ASMTL: variants seen among roughly 807,000 people sequenced by gnomAD.
ASMTL encodes probable bifunctional dTTP/UTP pyrophosphatase/methyltransferase protein.
ASMTL carries 57 observed loss-of-function variants against 60.3 expected under a neutral mutation model. The observed-to-expected ratio is 0.95, with a 90% CI of 0.76 to 1.18. ASMTL has a LOEUF of 1.18. Among genes scored for constraint, ASMTL ranks in the 50% most tolerant of loss-of-function variants. ASMTL has a pLI of 0.00. For synonymous variants in ASMTL, 419 were observed against 373.0 expected (o/e 1.12, Z -1.42); for missense variants, 981 against 852.6 (o/e 1.15, Z -1.88).
chrX:1,439,194 CAG>C (rs753628443), intron 2 of ASMTL, 50 bp from the exon 3 acceptor site: 1 of 1,602,026 alleles, frequency 6.2e-7, no homozygotes, highest in South Asian at 1.1e-5. Context: ...GTGGGTCTCA[CAG>C]AGAAGTTTTC....
In ASMTL at chrX:1,420,960, A is replaced by ATTTT. The variant is rs57552675; in HGVS notation, c.1245+694_1245+697dup. The stretch of plus-strand genomic sequence containing the variant: ...CCTAATCATACCTGGCTAATCGTTA[A>ATTTT]TTTTTTTTTTTTTTTTTGAGATGGA... On this transcript the variant is annotated intron_variant, in intron 9 of 12. Transcript: ENST00000381317. Among the ~76,000 whole-genome samples the ATTTT allele has an allele frequency of 3.7e-4, 50 of 135,506 alleles. 1 individual carries two copies. The highest frequency in any genetic ancestry group is 1.3e-3 in the African/African-American group (46 of 35,914). The allele number at this position is 135,506 out of a possible 152,430, so 88.9% of individuals were successfully genotyped here. A position where few individuals can be genotyped will look rare whatever the true frequency, so the allele number is the denominator to read the frequency against.
chrX:1,421,616 TGCAC>T (rs1450996792), intron 9 of ASMTL, 38 bp downstream of exon 9: 4 of 1,609,734 alleles, frequency 2.5e-6, no homozygotes, highest in Non-Finnish European at 3.4e-6. Context: ...TTTAGCAAAA[TGCAC>T]GCTAGACGGA....
At chrX:1,423,196 C>T (rs1157825261) in intron 8 of ASMTL, among the ~76,000 whole-genome samples, 1 of 152,164 alleles carries the variant, frequency 6.6e-6, no homozygotes, top group African/African-American at 2.4e-5. Flanking sequence ...TCGTGATCTG[C>T]CTGCCTTGGC....
intron 6 of ASMTL, among the ~76,000 whole-genome samples, chrX:1,429,556 G>C (rs1478481483): frequency 6.6e-6 from 1 of 151,982 alleles, no homozygotes; most frequent in Non-Finnish European, 1.5e-5. Flanking sequence ...CCAGCACTTC[G>C]GGAGGCTGAG....
intron 3 of ASMTL, among the ~76,000 whole-genome samples, chrX:1,436,269 G>C (rs1372353941): frequency 1.3e-5 from 2 of 152,198 alleles, no homozygotes; most frequent in Non-Finnish European, 2.9e-5. Flanking sequence ...CGCCTCCGGG[G>C]TTCAAGTGAT....
chrX:1,407,137 A>T lies in ASMTL; in HGVS notation c.1646-3648T>A, dbSNP rs371668063. 4.2e-4 allele frequency among the ~76,000 whole-genome samples: 63 copies of T among 150,374 alleles called. 1 individual carries two copies. The highest frequency in any genetic ancestry group is 1.5e-3 in the African/African-American group (60 of 40,802). On this transcript the variant is annotated intron_variant, in intron 12 of 12. Coordinates refer to ENST00000381317, the MANE Select transcript of ASMTL (RefSeq NM_004192.4). ...GATGGATGGATGGATGGGTGAACTG[A>T]TGGTAGATGATGGGTAGGTAGATAG...
chrX:1,412,857 G>C lies in ASMTL; in HGVS notation c.1523-3C>G. 1 of 1,613,838 alleles carries C rather than the reference G, an allele frequency of 6.2e-7. No homozygotes were observed. Among genetic ancestry groups the C allele is most frequent in the Non-Finnish European group, 8.5e-7 (1 of 1,179,800 alleles). On this transcript the variant is annotated splice_polypyrimidine_tract_variant and splice_region_variant and intron_variant, in intron 11 of 12. Transcript: ENST00000381317. The stretch of plus-strand genomic sequence containing the variant: ...GAGGGGGTCCCTGAAAAAGTCACCT[G>C]GTTTAAAGACAAAACGAGATACGTC...
At chrX:1,427,711 C>A in intron 7 of ASMTL, 23 bp downstream of exon 7, 1 of 1,584,832 alleles carries the variant, frequency 6.3e-7, no homozygotes, top group Non-Finnish European at 8.6e-7. Flanking sequence ...TGAAATGTGG[C>A]CTGAGGAGAC....
chrX:1,425,716 T>C, intron 7 of ASMTL, 29 bp from the exon 8 acceptor site: 1 of 1,608,370 alleles, frequency 6.2e-7, no homozygotes, highest in Non-Finnish European at 8.5e-7. Context: ...GAGAGACTCA[T>C]TAAGTCCCTT....
intron 11 of ASMTL, 22 bp from the exon 12 acceptor site, chrX:1,412,876 A>T (rs761496780): frequency 5.0e-6 from 8 of 1,613,716 alleles, no homozygotes; most frequent in Non-Finnish European, 5.9e-6. Context: ...ACAAAACGAG[A>T]TACGTCCGTC....
intron 10 of ASMTL, 59 bp from the exon 11 acceptor site, chrX:1,418,175 T>C: frequency 3.3e-6 from 5 of 1,518,176 alleles, no homozygotes; most frequent in Non-Finnish European, 3.6e-6. Context: ...CTGACGACTC[T>C]CCAAAGCTCA....
intron 5 of ASMTL, 69 bp from the exon 6 acceptor site, chrX:1,432,446 T>C: frequency 2.5e-6 from 3 of 1,193,292 alleles, no homozygotes; most frequent in Non-Finnish European, 3.7e-6. Flanking sequence ...GACAGCTGCG[T>C]GGCTGTGCTG....
chrX:1,417,580 A>G (rs1443404723), intron 11 of ASMTL, among the ~76,000 whole-genome samples: 3 of 148,668 alleles, frequency 2.0e-5, no homozygotes, highest in African/African-American at 7.5e-5. Flanking sequence ...GCACACAGAC[A>G]CCCACCGGCT....
intron 8 of ASMTL, among the ~76,000 whole-genome samples, chrX:1,423,120 T>G (rs1242413185): frequency 6.6e-6 from 1 of 152,000 alleles, no homozygotes; most frequent in Admixed American, 6.6e-5. Flanking sequence ...GCCCGGCTAA[T>G]TTTTTGTATT....
intron 9 of ASMTL, among the ~76,000 whole-genome samples, chrX:1,420,837 G>A (rs5989860): frequency 0.67 from 101,198 of 152,058 alleles, 34,587 homozygotes; most frequent in South Asian, 0.86. Flanking sequence ...TCTGTCACCC[G>A]GGCTGGAGTG....
Position 1,435,060 on chromosome X carries a change from A to G in ASMTL, c.362T>C (p.Val121Ala). Reference sequence around the variant, plus strand: ...GTGGACGATCGCGACACCTGTGAACACGCTGTGTTCTCTCCCACTCAACCT... The same window carrying G: ...GTGGACGATCGCGACACCTGTGAACGCGCTGTGTTCTCTCCCACTCAACCT... ...LSRLSGREHS[V>A]FTGVAIVHCS... is the part of the protein sequence containing the mutation. The change falls in exon 5 of 13, where the codon GTG becomes GCG. Residue 121 changes from valine to alanine, a missense_variant. Physicochemically the swap from Val to Ala is moderately conservative, Grantham distance 64 (BLOSUM62 0). Coordinates refer to ENST00000381317, the MANE Select transcript of ASMTL (RefSeq NM_004192.4). 6.2e-7 allele frequency: 1 copy of G among 1,613,910 alleles called. No homozygotes were observed. The highest frequency in any genetic ancestry group is 8.5e-7 in the Non-Finnish European group (1 of 1,179,824).
At chrX:1,403,547 G>A in intron 12 of ASMTL, 58 bp from the exon 13 acceptor site, 1 of 1,460,138 alleles carries the variant, frequency 6.8e-7, no homozygotes, top group Non-Finnish European at 9.5e-7. Flanking sequence ...TCCTTCAGCA[G>A]GACACAGGGG....
chrX:1,412,855 C>T lies in ASMTL; in HGVS notation c.1523-1G>A, dbSNP rs771530607. 3 of 1,613,844 alleles carry T rather than the reference C, an allele frequency of 1.9e-6. No homozygotes were observed. The highest frequency in any genetic ancestry group is 2.5e-6 in the Non-Finnish European group (3 of 1,179,828). ...GGGAGGGGGTCCCTGAAAAAGTCAC[C>T]TGGTTTAAAGACAAAACGAGATACG... is the stretch of plus-strand genomic sequence containing the variant. On this transcript the variant is annotated splice_acceptor_variant, in intron 11 of 12. Transcript: ENST00000381317. LOFTEE classifies it high-confidence loss of function.
intron 1 of ASMTL, among the ~76,000 whole-genome samples, chrX:1,446,445 C>T (rs1384024079): frequency 6.6e-5 from 10 of 151,924 alleles, no homozygotes; most frequent in South Asian, 4.2e-4. Context: ...CTCATGCCTC[C>T]GCACACAGGG....
Sources: allele counts gnomAD v4.1 joint callset (sites outside exome capture counted in the v4.1 genomes callset), GRCh38; gene constraint gnomAD v4.1.1; transcripts MANE v1.5; gene names NCBI Gene and HGNC (gene_info 2026-07-23, HGNC 2026-07-21).